Variants in ASB4 observed in about 807,000 individuals in gnomAD.
ASB4 encodes ankyrin repeat and SOCS box protein 4.
ASB4 carries 35 observed loss-of-function variants against 38.6 expected under a neutral mutation model. That is an observed-to-expected ratio of 0.91 (90% CI 0.69 to 1.20). ASB4 has a LOEUF of 1.20. Among genes scored for constraint, ASB4 ranks in the 50% most tolerant of loss-of-function variants. The pLI, the probability that ASB4 is intolerant of heterozygous loss-of-function variation, is 0.00. For synonymous variants in ASB4, 195 were observed against 201.3 expected (o/e 0.97, Z 0.26); for missense variants, 557 against 527.2 (o/e 1.06, Z -0.55).
At chr7:95,551,287 T>A in the ASB4 span, among the ~76,000 whole-genome samples, 7 of 152,202 alleles carry the variant, frequency 4.6e-5, no homozygotes, top group African/African-American at 1.4e-4. Flanking sequence ...GACCAGTTTT[T>A]AAATAAAGCA....
rs2116661206 is a variant in ASB4, at chr7:95,538,253, A to G, written c.*494A>G. 6.5e-6 allele frequency: 1 copy of G among 152,876 alleles called. No individual in the cohort carries two copies. Among genetic ancestry groups the G allele is most frequent in the East Asian group, 1.9e-4 (1 of 5,206 alleles). 9.5% of individuals were successfully genotyped at this position (152,876 alleles called of 1,614,324 possible). A position where few individuals can be genotyped will look rare whatever the true frequency, so the allele number is the denominator to read the frequency against. ...TTTGCAAACTCCTACTCCCCAAACC[A>G]AGCTACTCAAGTTTATTTCAGTGAT... On this transcript the variant is annotated 3_prime_UTR_variant, in exon 5 of 5. Transcript: ENST00000325885.
chr7:95,524,327 A>G (rs1345006013), intron 2 of ASB4, among the ~76,000 whole-genome samples: 1 of 152,238 alleles, frequency 6.6e-6, no homozygotes, highest in African/African-American at 2.4e-5. Context: ...CACAAGACAG[A>G]TTATTTTCAC....
chr7:95,498,919 C>T (rs1286476925), intron 2 of ASB4, among the ~76,000 whole-genome samples: 2 of 152,174 alleles, frequency 1.3e-5, no homozygotes, highest in African/African-American at 2.4e-5. Flanking sequence ...CACCATCAAA[C>T]TGCCTTAGTA....
intron 2 of ASB4, among the ~76,000 whole-genome samples, chr7:95,516,550 G>A: frequency 6.6e-6 from 1 of 152,144 alleles, no homozygotes; most frequent in East Asian, 1.9e-4. Context: ...CTGTGGAGTT[G>A]GCAGATAAGC....
At chr7:95,506,970 C>T (rs933466608) in intron 2 of ASB4, among the ~76,000 whole-genome samples, 1 of 151,978 alleles carries the variant, frequency 6.6e-6, no homozygotes, top group Admixed American at 6.6e-5. Flanking sequence ...TTATTCTCTA[C>T]TTGCTGGGAG....
upstream of ASB4, chr7:95,478,385 C>T (rs1312772785): frequency 1.3e-5 from 2 of 152,192 alleles, no homozygotes; most frequent in African/African-American, 2.4e-5. Context: ...CTAATGCCCC[C>T]TCTGTGGGGC....
chr7:95,527,971 G>A lies in ASB4; in HGVS notation c.646G>A (p.Ala216Thr), dbSNP rs1790763955. The stretch of plus-strand genomic sequence containing the variant: ...CATGGAGACCCCCCTGGCCATCGCC[G>A]CCTACTGGGCCCTCCGCTTTAAGGA... ...AHMETPLAIA[A>T]YWALRFKEQE... Residue 216 changes from alanine to threonine, a missense_variant, in exon 3 of 5, where the codon GCC (alanine) becomes ACC (threonine). Coordinates refer to ENST00000325885, the MANE Select transcript of ASB4 (RefSeq NM_016116.3). 6.2e-7 allele frequency: 1 copy of A among 1,613,968 alleles called. No homozygotes were observed. The highest frequency in any genetic ancestry group is 1.7e-5 in the Admixed American group (1 of 60,002).
rs772300913 is a variant in ASB4, at chr7:95,536,417, ACT to A, written c.979-17_979-16del. 4.7e-6 allele frequency: 7 copies of A among 1,473,926 alleles called. No homozygotes were observed. The highest frequency in any genetic ancestry group is 4.2e-5 in the African/African-American group (3 of 71,856). The allele number at this position is 1,473,926 out of a possible 1,614,324, so 91.3% of individuals were successfully genotyped here. On this transcript the variant is annotated intron_variant, in intron 3 of 4. Coordinates refer to ENST00000325885, the MANE Select transcript of ASB4 (RefSeq NM_016116.3). ...CATATATGTGCATCAAACAGATGAAACTCTGTGCTTCCTCTGCAGGTGATACA... is the reference window on the plus strand; with the variant it reads ...CATATATGTGCATCAAACAGATGAAACTGTGCTTCCTCTGCAGGTGATACA...
Position 95,495,776 on chromosome 7 carries a change from A to G in ASB4, c.206A>G (p.Tyr69Cys), listed in dbSNP as rs759829404. Residue 69 changes from tyrosine to cysteine, a missense_variant, in exon 2 of 5, where the codon TAT becomes TGT. By Grantham distance (194) the Tyr-to-Cys change is radical. Transcript: ENST00000325885. ...SYKQGYWLPS[Y>C]KLKSSWATGL... The stretch of plus-strand genomic sequence containing the variant: ...TTTTCAGGTTACTGGTTGCCTAGCT[A>G]TAAATTGAAGTCTTCCTGGGCCACA... The G allele has an allele frequency of 1.0e-5, 16 of 1,597,010 alleles. No homozygotes were observed. In the East Asian group the frequency reaches 1.8e-4, roughly 18 times the overall value.
intron 2 of ASB4, among the ~76,000 whole-genome samples, chr7:95,522,869 A>G (rs1244155941): frequency 6.6e-6 from 1 of 152,196 alleles, no homozygotes; most frequent in East Asian, 1.9e-4. Context: ...CTCATTTACT[A>G]TAATTCTAGA....
At chr7:95,515,670 C>A (rs1585810833) in intron 2 of ASB4, among the ~76,000 whole-genome samples, 1 of 152,312 alleles carries the variant, frequency 6.6e-6, no homozygotes, top group East Asian at 1.9e-4. Flanking sequence ...CGACCTTGGC[C>A]TCCCAAAGTG....
the ASB4 span, among the ~76,000 whole-genome samples, chr7:95,546,147 T>C: frequency 6.6e-6 from 1 of 152,240 alleles, no homozygotes. Context: ...TGGTTAACTT[T>C]TAATAAATTG....
the ASB4 span, among the ~76,000 whole-genome samples, chr7:95,548,646 T>C: frequency 6.6e-6 from 1 of 152,210 alleles, no homozygotes; most frequent in Non-Finnish European, 1.5e-5. Context: ...AAAGTTATGT[T>C]AATCAAGGTC....
At chr7:95,532,906 C>A (rs532353742) in intron 3 of ASB4, among the ~76,000 whole-genome samples, 1 of 152,320 alleles carries the variant, frequency 6.6e-6, no homozygotes, top group South Asian at 2.1e-4. Context: ...GTTTTCTGGG[C>A]TGGCAAGGTC....
chr7:95,530,105 C>CA (rs60923712), intron 3 of ASB4, among the ~76,000 whole-genome samples: 9,315 of 99,654 alleles, frequency 0.093, 468 homozygotes, highest in Middle Eastern at 0.12. Flanking sequence ...AAAAGCAGGG[C>CA]AAAAAAAAAA....
upstream of ASB4, among the ~76,000 whole-genome samples, chr7:95,477,406 T>G (rs1562805862): frequency 6.6e-6 from 1 of 152,194 alleles, no homozygotes; most frequent in African/African-American, 2.4e-5. Flanking sequence ...ATATATAAAA[T>G]AATAATTGAA....
At chr7:95,550,390 A>T in the ASB4 span, among the ~76,000 whole-genome samples, 1 of 152,162 alleles carries the variant, frequency 6.6e-6, no homozygotes, top group Non-Finnish European at 1.5e-5. Context: ...CCAGAAACTT[A>T]TAAGAGAGTC....
chr7:95,529,403 A>G (rs1790789267), intron 3 of ASB4, among the ~76,000 whole-genome samples: 1 of 152,238 alleles, frequency 6.6e-6, no homozygotes, highest in Non-Finnish European at 1.5e-5. Context: ...CTTAAGTTCT[A>G]CGTCTTACCT....
downstream of ASB4, chr7:95,543,765 G>A (rs1331445092): frequency 6.6e-6 from 1 of 152,266 alleles, no homozygotes; most frequent in African/African-American, 2.4e-5. Flanking sequence ...AGAGGATGAG[G>A]TTGGAAGAGC....
Sources: allele counts gnomAD v4.1 joint callset (sites outside exome capture counted in the v4.1 genomes callset), GRCh38; gene constraint gnomAD v4.1.1; transcripts MANE v1.5; gene names NCBI Gene and HGNC (gene_info 2026-07-23, HGNC 2026-07-21).